KAZN: variants seen among roughly 807,000 people sequenced by gnomAD.
KAZN encodes the protein kazrin.
A neutral mutation model predicts 87.4 loss-of-function variants in KAZN; 40 were observed. That is an observed-to-expected ratio of 0.46 (90% CI 0.36 to 0.60). The LOEUF is 0.60. Among genes scored for constraint, KAZN ranks in the 20% least tolerant of loss-of-function variants. The probability of loss-of-function intolerance (pLI) is 0.00; values close to 1 mark genes in which losing one functional copy is unlikely to be tolerated. For synonymous variants in KAZN, 466 were observed against 458.3 expected, an observed-to-expected ratio of 1.02 and a Z score of -0.22; for missense variants, 898 against 1,073.9, an observed-to-expected ratio of 0.84 and a Z score of 2.29.
intron 1 of KAZN, among the ~76,000 whole-genome samples, chr1:13,906,892 C>T (rs1005391277): frequency 6.6e-6 from 1 of 152,192 alleles, no homozygotes; most frequent in African/African-American, 2.4e-5. Flanking sequence ...TTCCTAGCGA[C>T]AGTCAGGCAA....
chr1:14,925,462 T>G (rs1659072923), intron 1 of KAZN, among the ~76,000 whole-genome samples: 1 of 152,200 alleles, frequency 6.6e-6, no homozygotes, highest in Non-Finnish European at 1.5e-5. Flanking sequence ...GTAATTCACA[T>G]GCAACACATC....
At chr1:13,995,219 C>CAAAA (rs113600200) in intron 1 of KAZN, among the ~76,000 whole-genome samples, 40 of 107,386 alleles carry the variant, frequency 3.7e-4, no homozygotes, top group African/African-American at 7.3e-4. Flanking sequence ...TGCAATAAGG[C>CAAAA]AAAAAAAAAA....
At position 15,021,074 on chromosome 1, in the gene KAZN, G is replaced by A. The variant is rs898800803; in HGVS notation, c.419-13675G>A. Among the ~76,000 whole-genome samples, 13 of 152,128 alleles carry A rather than the reference G, an allele frequency of 8.5e-5. No homozygotes were observed. The highest frequency in any genetic ancestry group is 4.1e-4 in the South Asian group (2 of 4,824). ...CACTAGGCACCCAGGGCAGCTTCCC[G>A]ATGGACAGTCTTGAGTAGGACACCA... On this transcript the variant is annotated intron_variant, in intron 2 of 14. Coordinates refer to ENST00000376030, the MANE Select transcript of KAZN (RefSeq NM_201628.3). This position sits in a 1 kb window ranked among gnomAD's most constrained non-coding sequence, Gnocchi z 4.2.
intron 2 of KAZN, among the ~76,000 whole-genome samples, chr1:15,026,314 G>A (rs1267901269): frequency 6.6e-6 from 1 of 152,212 alleles, no homozygotes; most frequent in Non-Finnish European, 1.5e-5. Context: ...ATAGAGCCTT[G>A]CCAGGTGGAG....
intron 1 of KAZN, among the ~76,000 whole-genome samples, chr1:13,963,756 GGTCTGTGTGTGT>G (rs1431962931): frequency 2.6e-4 from 30 of 117,126 alleles, no homozygotes; most frequent in African/African-American, 9.5e-4. Context: ...TTTCTGCTGT[GGTCTGTGTGTGT>G]GTGTGTGTGT....
At chr1:14,709,883 A>G (rs1422709708) in intron 1 of KAZN, among the ~76,000 whole-genome samples, 5 of 152,174 alleles carry the variant, frequency 3.3e-5, no homozygotes, top group Non-Finnish European at 5.9e-5. Context: ...ACAGATGAGG[A>G]AAACAAGGCC....
chr1:14,033,168 A>G (rs1641399831), intron 1 of KAZN, among the ~76,000 whole-genome samples: 1 of 152,236 alleles, frequency 6.6e-6, no homozygotes, highest in African/African-American at 2.4e-5. Flanking sequence ...AATCAAACCC[A>G]GTAAAACCAG....
chr1:14,917,687 G>A (rs756100164), intron 1 of KAZN, among the ~76,000 whole-genome samples: 5 of 152,056 alleles, frequency 3.3e-5, no homozygotes, highest in African/African-American at 7.2e-5. Context: ...TCAATCACAC[G>A]CTAGTGATTT....
Position 14,769,448 on chromosome 1 carries a change from G to A in KAZN, c.226+170225G>A, listed in dbSNP as rs968972906. 1.3e-5 allele frequency among the ~76,000 whole-genome samples: 2 copies of A among 152,052 alleles called. No homozygotes were observed. The highest frequency in any genetic ancestry group is 6.6e-5 in the Admixed American group (1 of 15,264). ...TGGCTCACTGCAACCTCTGCCTCCC[G>A]GGTTCAAGCGATTCTCGTGCCTCAT... On this transcript the variant is annotated intron_variant, in intron 1 of 14. Coordinates refer to ENST00000376030, the MANE Select transcript of KAZN (RefSeq NM_201628.3). This position sits in a 1 kb window ranked among gnomAD's most constrained non-coding sequence, Gnocchi z 4.1.
At chr1:13,917,774 T>G (rs1418933264) in intron 1 of KAZN, among the ~76,000 whole-genome samples, 1 of 126,352 alleles carries the variant, frequency 7.9e-6, no homozygotes, top group African/African-American at 3.3e-5. Flanking sequence ...TCCAGCCTGG[T>G]GACAGAGAAA....
At chr1:15,100,465 T>C (rs1641009582) in intron 10 of KAZN, among the ~76,000 whole-genome samples, 1 of 152,090 alleles carries the variant, frequency 6.6e-6, no homozygotes, top group Non-Finnish European at 1.5e-5. Context: ...AGACCAGCGC[T>C]CTCCCACCTG....
intron 1 of KAZN, among the ~76,000 whole-genome samples, chr1:13,945,160 T>C (rs1294606350): frequency 6.6e-6 from 1 of 152,076 alleles, no homozygotes; most frequent in Non-Finnish European, 1.5e-5. Context: ...AGATATACTA[T>C]CTGGAAGATA....
At chr1:15,002,030 G>C (rs371922489) in intron 2 of KAZN, among the ~76,000 whole-genome samples, 1 of 151,728 alleles carries the variant, frequency 6.6e-6, no homozygotes, top group Admixed American at 6.6e-5. Flanking sequence ...ACAGGCGCCC[G>C]CCACCACACC....
At chr1:14,989,577 G>T (rs184213440) in intron 2 of KAZN, among the ~76,000 whole-genome samples, 7 of 152,340 alleles carry the variant, frequency 4.6e-5, no homozygotes, top group Non-Finnish European at 5.9e-5. Flanking sequence ...GAGACTGTGG[G>T]CTCTGAGTTC....
At chr1:14,875,792 A>G (rs1397941455) in intron 1 of KAZN, among the ~76,000 whole-genome samples, 1 of 152,260 alleles carries the variant, frequency 6.6e-6, no homozygotes, top group African/African-American at 2.4e-5. Context: ...ACTTGCCAGT[A>G]CACCACTGCC....
intron 1 of KAZN, among the ~76,000 whole-genome samples, chr1:14,837,216 G>T (rs976946777): frequency 1.3e-4 from 20 of 152,120 alleles, no homozygotes; most frequent in Non-Finnish European, 2.4e-4. Flanking sequence ...TGCTGTTTTT[G>T]AGACTGAGTT....
chr1:14,216,765 G>T (rs1414429664), intron 2 of KAZN, among the ~76,000 whole-genome samples: 1 of 152,168 alleles, frequency 6.6e-6, no homozygotes, highest in South Asian at 2.1e-4. Context: ...TTAGCTGGGA[G>T]TGGTGGTGGG....
At chr1:14,915,767 C>T (rs1192655019) in intron 1 of KAZN, among the ~76,000 whole-genome samples, 1 of 152,164 alleles carries the variant, frequency 6.6e-6, no homozygotes, top group African/African-American at 2.4e-5. Flanking sequence ...TTTTTGTCTC[C>T]CTAAACCTTC....
intron 1 of KAZN, among the ~76,000 whole-genome samples, chr1:14,128,507 G>A (rs1375967715): frequency 6.6e-6 from 1 of 152,170 alleles, no homozygotes; most frequent in African/African-American, 2.4e-5. Flanking sequence ...CTTGCAGACA[G>A]CGGCCTTCTT....
Sources: gnomAD v4.1 joint callset for allele counts (sites outside exome capture counted in the v4.1 genomes callset) on GRCh38, gnomAD v4.1.1 for gene constraint, Gnocchi (gnomAD v3.1) non-coding constraint, MANE v1.5 for transcripts, NCBI Gene and HGNC (gene_info 2026-07-23, HGNC 2026-07-21) for gene names.